Variants in RABEP1 observed in about 807,000 individuals in gnomAD.
RABEP1 encodes rab GTPase-binding effector protein 1.
A neutral mutation model predicts 123.4 loss-of-function variants in RABEP1; 51 were observed. That is an observed-to-expected ratio of 0.41 (90% confidence interval 0.33 to 0.52). The LOEUF (loss-of-function observed/expected upper bound fraction) is 0.52, where lower values mean the gene tolerates loss of function less well. RABEP1 is among the 20% of genes least tolerant of loss of function. RABEP1 has a pLI of 0.16. For missense variants in RABEP1, 888 were observed against 996.3 expected, an observed-to-expected ratio of 0.89 and a Z score of 1.46; for synonymous variants, 347 against 355.2, an observed-to-expected ratio of 0.98 and a Z score of 0.26.
At chr17:5,335,849 T>C (rs1907026682) in intron 4 of RABEP1, among the ~76,000 whole-genome samples, 1 of 152,188 alleles carries the variant, frequency 6.6e-6, no homozygotes, top group South Asian at 2.1e-4. Flanking sequence ...TAGCATAGTG[T>C]CTAGGAGATA....
intron 3 of RABEP1, among the ~76,000 whole-genome samples, chr17:5,334,736 A>G (rs1356579979): frequency 1.3e-5 from 2 of 152,158 alleles, no homozygotes; most frequent in African/African-American, 4.8e-5. Flanking sequence ...CTCAACTTAC[A>G]ATCTTGGGTT....
In RABEP1 at chr17:5,332,130, T is replaced by C. The variant is rs1906604721; in HGVS notation, c.345T>C (p.Ala115=). 1.2e-6 allele frequency: 2 copies of C among 1,613,938 alleles called. No individual in the cohort carries two copies. The highest frequency in any genetic ancestry group is 2.2e-5 in the South Asian group (2 of 91,084). The change falls in exon 3 of 18, where the codon GCT becomes GCC. Residue 115 remains alanine (A), a synonymous_variant. Coordinates refer to ENST00000537505, the MANE Select transcript of RABEP1 (RefSeq NM_004703.6). ...AAAGACAGTGGAGAGAAGAAGTTGCTTCACTTCAGGCTGTTATGAAAGGTA... is the reference window on the plus strand; with the variant it reads ...AAAGACAGTGGAGAGAAGAAGTTGCCTCACTTCAGGCTGTTATGAAAGGTA... The part of the protein sequence containing the change: ...EVKRQWREEV[A]SLQAVMKETV...
chr17:5,342,645 A>T (rs984597186), intron 5 of RABEP1, among the ~76,000 whole-genome samples: 10 of 152,176 alleles, frequency 6.6e-5, no homozygotes, highest in African/African-American at 1.9e-4. Flanking sequence ...TGTATCCCCA[A>T]ATTTTTAAAT....
At chr17:5,352,939 A>G (rs1424488108) in intron 7 of RABEP1, among the ~76,000 whole-genome samples, 1 of 152,230 alleles carries the variant, frequency 6.6e-6, no homozygotes, top group African/African-American at 2.4e-5. Flanking sequence ...CTAAGGCTTT[A>G]TGTATAAATC....
At chr17:5,308,100 A>C (rs944288762) in intron 1 of RABEP1, among the ~76,000 whole-genome samples, 3 of 152,186 alleles carry the variant, frequency 2.0e-5, no homozygotes, top group African/African-American at 7.2e-5. Context: ...ATTGCTATTC[A>C]GTTGCACAAA....
chr17:5,369,159 A>T (rs1910332448), intron 12 of RABEP1, among the ~76,000 whole-genome samples: 1 of 152,110 alleles, frequency 6.6e-6, no homozygotes, highest in Non-Finnish European at 1.5e-5. Context: ...ATGAAAAAAA[A>T]CATGTAACTG....
intron 1 of RABEP1, among the ~76,000 whole-genome samples, chr17:5,291,284 C>A (rs1177342091): frequency 6.6e-6 from 1 of 151,996 alleles, no homozygotes. Flanking sequence ...GTGGTGGGCA[C>A]GTGTAACCCC....
intron 9 of RABEP1, 129 bp from the exon 10 acceptor site, chr17:5,362,783 C>T: frequency 6.4e-6 from 4 of 626,164 alleles, no homozygotes; most frequent in Middle Eastern, 3.8e-4. Context: ...AACTTTTTGC[C>T]GTAAGGCCCT....
intron 2 of RABEP1, among the ~76,000 whole-genome samples, chr17:5,324,535 G>A (rs1905775231): frequency 6.6e-6 from 1 of 152,210 alleles, no homozygotes; most frequent in South Asian, 2.1e-4. Context: ...ATTTGTGTGT[G>A]TGTAAGACCT....
intron 1 of RABEP1, among the ~76,000 whole-genome samples, chr17:5,296,242 G>A (rs2075082392): frequency 6.6e-6 from 1 of 152,014 alleles, no homozygotes; most frequent in South Asian, 2.1e-4. Context: ...TTCCATTTTG[G>A]TACTGCATTG....
At chr17:5,327,618 G>A (rs949144671) in intron 2 of RABEP1, among the ~76,000 whole-genome samples, 1 of 152,166 alleles carries the variant, frequency 6.6e-6, no homozygotes, top group Non-Finnish European at 1.5e-5. Flanking sequence ...TTTGCCATGA[G>A]TGTATGGTTA....
Position 5,377,514 on chromosome 17 carries a change from T to TA in RABEP1, c.2215+215dup, listed in dbSNP as rs772937910. ...CAAATAATCAGAAATTCTGGTTATT[T>TA]AAAAAATTTTTTTTTTTTTTTTTTT... On this transcript the variant is annotated intron_variant, in intron 14 of 17. Transcript: ENST00000537505. 5.9e-3 allele frequency among the ~76,000 whole-genome samples: 749 copies of TA among 127,216 alleles called. 3 individuals are homozygous for TA. The highest frequency in any genetic ancestry group is 0.014 in the Middle Eastern group (3 of 218). 83.5% of individuals were successfully genotyped at this position (127,216 alleles called of 152,430 possible). A position where few individuals can be genotyped will look rare whatever the true frequency, so the allele number is the denominator to read the frequency against.
Position 5,282,446 on chromosome 17 carries a change from T to C in RABEP1, c.-41T>C. ...AGCCCGCGGGAGCCCAGGACGCCGC[T>C]TCCCCGCCCATCCCCGCTCCCCGAG... is the stretch of plus-strand genomic sequence containing the variant. On this transcript the variant is annotated 5_prime_UTR_variant, in exon 1 of 18. Coordinates refer to ENST00000537505, the MANE Select transcript of RABEP1 (RefSeq NM_004703.6). The C allele has an allele frequency of 1.5e-6, 2 of 1,333,622 alleles. No individual in the cohort carries two copies. The highest frequency in any genetic ancestry group is 1.5e-5 in the African/African-American group (1 of 65,830). 82.6% of individuals were successfully genotyped at this position (1,333,622 alleles called of 1,614,324 possible). A position where few individuals can be genotyped will look rare whatever the true frequency, so the allele number is the denominator to read the frequency against.
intron 5 of RABEP1, among the ~76,000 whole-genome samples, chr17:5,344,751 G>A (rs1173598144): frequency 8.8e-6 from 1 of 113,672 alleles, no homozygotes; most frequent in Admixed American, 1.2e-4. Context: ...CAGCCTGGGT[G>A]ACAGAGCAAG....
chr17:5,360,506 G>A (rs1909417059), intron 8 of RABEP1, among the ~76,000 whole-genome samples: 2 of 152,260 alleles, frequency 1.3e-5, no homozygotes, highest in African/African-American at 2.4e-5. Context: ...AGCTTGCAGT[G>A]AGCGGAGATC....
At chr17:5,331,440 A>G (rs1471829379) in intron 2 of RABEP1, among the ~76,000 whole-genome samples, 1 of 152,218 alleles carries the variant, frequency 6.6e-6, no homozygotes, top group Non-Finnish European at 1.5e-5. Flanking sequence ...TGTAGTAGGC[A>G]CATTACATCA....
intron 1 of RABEP1, among the ~76,000 whole-genome samples, chr17:5,305,675 C>T (rs1240457932): frequency 6.6e-6 from 1 of 152,048 alleles, no homozygotes; most frequent in African/African-American, 2.4e-5. Flanking sequence ...CTGTACTAAT[C>T]AGTAGCTACC....
chr17:5,350,735 G>C, intron 7 of RABEP1, 106 bp downstream of exon 7: 2 of 1,182,388 alleles, frequency 1.7e-6, no homozygotes, highest in South Asian at 2.8e-5. Context: ...CTGCAACAAG[G>C]TGATAAAGGT....
chr17:5,294,633 CTTTTTTTT>C (rs1185209680), intron 1 of RABEP1, among the ~76,000 whole-genome samples: 10 of 53,028 alleles, frequency 1.9e-4, no homozygotes, highest in Admixed American at 3.5e-4. Flanking sequence ...ACGGTATTGT[CTTTTTTTT>C]TTTTTTTTTT....
Sources: gnomAD v4.1 joint callset for allele counts (sites outside exome capture counted in the v4.1 genomes callset) on GRCh38, gnomAD v4.1.1 for gene constraint, MANE v1.5 for transcripts, NCBI Gene and HGNC (gene_info 2026-07-23, HGNC 2026-07-21) for gene names.